CORO7: variants seen among roughly 807,000 people sequenced by gnomAD.
The protein encoded by CORO7 is coronin 7.
In CORO7, 107 loss-of-function variants were observed where a neutral mutation model predicts 126.6. That is an observed-to-expected ratio of 0.85 (90% CI 0.72 to 0.99). The LOEUF is 0.99. CORO7 is among the 50% of genes least tolerant of loss of function. The pLI is 0.00. For synonymous variants in CORO7, 603 were observed against 536.8 expected, an observed-to-expected ratio of 1.12 and a Z score of -1.70; for missense variants, 1,314 against 1,255.8, an observed-to-expected ratio of 1.05 and a Z score of -0.70.
Position 4,412,433 on chromosome 16 carries a change from G to A in CORO7, c.158-3C>T, listed in dbSNP as rs2056246820. On this transcript the variant is annotated splice_polypyrimidine_tract_variant and splice_region_variant and intron_variant, in intron 2 of 27. Coordinates refer to ENST00000251166, the MANE Select transcript of CORO7 (RefSeq NM_024535.5). ...CAGAGGCACAATGCCCAGTACACCTGTTAAACAAACACGGGGACTCTGACT... is the reference window on the plus strand; with the variant it reads ...CAGAGGCACAATGCCCAGTACACCTATTAAACAAACACGGGGACTCTGACT... The A allele has an allele frequency of 1.2e-6, 2 of 1,614,048 alleles. No homozygotes were observed. Among genetic ancestry groups the A allele is most frequent in the African/African-American group, 1.3e-5 (1 of 74,912 alleles).
intron 9 of CORO7, among the ~76,000 whole-genome samples, chr16:4,385,053 G>A (rs772790351): frequency 8.5e-5 from 13 of 152,154 alleles, no homozygotes; most frequent in Non-Finnish European, 1.3e-4. Context: ...TCAGGGCTTC[G>A]GGGAAGGGGA....
intron 9 of CORO7, among the ~76,000 whole-genome samples, chr16:4,368,359 TAA>T (rs2054413210): frequency 7.0e-6 from 1 of 143,374 alleles, no homozygotes; most frequent in African/African-American, 2.6e-5. Flanking sequence ...AAAATAAAAT[TAA>T]AAATTAGCCT....
At chr16:4,396,644 CA>C (rs1302989282) in intron 6 of CORO7, among the ~76,000 whole-genome samples, 1 of 152,124 alleles carries the variant, frequency 6.6e-6, no homozygotes, top group Non-Finnish European at 1.5e-5. Context: ...CGTCTTAGCA[CA>C]GGTCTATTTT....
rs558522061 is a variant in CORO7, at chr16:4,384,695, A to C, written c.785+3291T>G. The stretch of plus-strand genomic sequence containing the variant: ...GCTGAGGGCTCTGGCACGAGGAGGG[A>C]GGAGGCGGGCCGTGGGTCATGGCGG... On this transcript the variant is annotated intron_variant, in intron 9 of 27. Coordinates refer to ENST00000251166, the MANE Select transcript of CORO7 (RefSeq NM_024535.5). 5.3e-5 allele frequency among the ~76,000 whole-genome samples: 8 copies of C among 152,162 alleles called. No homozygotes were observed. In the South Asian group the frequency reaches 1.5e-3, roughly 28 times the overall value.
Position 4,355,042 on chromosome 16 carries a change from AGTGCAGGGGTGACAT to A in CORO7, c.*101_*115del. 8.6e-7 allele frequency: 1 copy of A among 1,166,344 alleles called. No individual in the cohort carries two copies. Among genetic ancestry groups the A allele is most frequent in the South Asian group, 2.1e-5 (1 of 47,646 alleles). 72.2% of individuals were successfully genotyped at this position (1,166,344 alleles called of 1,614,324 possible). On this transcript the variant is annotated 3_prime_UTR_variant, in exon 28 of 28. Transcript: ENST00000251166. ...GTGGAAGTGCCCACGGGAAGGCAGG[AGTGCAGGGGTGACAT>A]GTGCCGGGGCCAGAGAGGTATCTTC... is the stretch of plus-strand genomic sequence containing the variant.
At chr16:4,365,601 G>GT in intron 9 of CORO7, 56 bp from the exon 10 acceptor site, 1 of 1,549,168 alleles carries the variant, frequency 6.5e-7, no homozygotes, top group Non-Finnish European at 8.7e-7. Flanking sequence ...TGCCAGACTC[G>GT]TAACCCCATG....
chr16:4,361,372 C>T lies in CORO7; in HGVS notation c.1676G>A (p.Arg559His), dbSNP rs142371956. The T allele has an allele frequency of 3.7e-6, 6 of 1,612,022 alleles. No individual in the cohort carries two copies. Among genetic ancestry groups the T allele is most frequent in the African/African-American group, 2.7e-5 (2 of 74,888 alleles). Residue 559 changes from arginine (R) to histidine (H), a missense_variant, in exon 17 of 28, where the codon CGC (arginine) becomes CAC (histidine). Coordinates refer to ENST00000251166, the MANE Select transcript of CORO7 (RefSeq NM_024535.5). ...CCCAGCCTCCTTACCCACAGCGAGG[C>T]GATGGGGGTCAAAGGGGTCCCAGGC... Reference protein sequence around the residue: ...DLAWDPFDPHRLAVAGEDARI... With the variant: ...DLAWDPFDPHHLAVAGEDARI...
intron 6 of CORO7, among the ~76,000 whole-genome samples, chr16:4,401,044 G>C (rs555744993): frequency 6.6e-6 from 1 of 152,166 alleles, no homozygotes; most frequent in Non-Finnish European, 1.5e-5. Flanking sequence ...CCCGCTCCAT[G>C]TGCAGCCCCT....
chr16:4,409,848 C>A (rs2056137928), intron 3 of CORO7, among the ~76,000 whole-genome samples: 1 of 152,234 alleles, frequency 6.6e-6, no homozygotes, highest in East Asian at 1.9e-4. Context: ...CAGAGCCCCA[C>A]CTGGCCATTT....
At chr16:4,380,057 CAAA>C (rs779747877) in intron 9 of CORO7, among the ~76,000 whole-genome samples, 2 of 90,086 alleles carry the variant, frequency 2.2e-5, no homozygotes, top group Non-Finnish European at 2.3e-5. Flanking sequence ...GACTCCGTCT[CAAA>C]AAAAAAAAAA....
intron 22 of CORO7, 45 bp from the exon 23 acceptor site, chr16:4,359,430 C>T (rs2054087605): frequency 6.2e-7 from 1 of 1,613,478 alleles, no homozygotes; most frequent in East Asian, 2.2e-5. Context: ...CAACACTGGC[C>T]TTCCCCCCAC....
chr16:4,387,745 G>A, intron 9 of CORO7: 1 of 576,978 alleles, frequency 1.7e-6, no homozygotes, highest in Non-Finnish European at 3.1e-6. Flanking sequence ...AACCTCTGGT[G>A]ACCAAGGGCC....
intron 9 of CORO7, among the ~76,000 whole-genome samples, chr16:4,384,801 G>A (rs1205221119): frequency 6.6e-6 from 1 of 152,194 alleles, no homozygotes; most frequent in South Asian, 2.1e-4. Context: ...TTTCCTGTAG[G>A]CCTGGGTCCC....
intron 1 of CORO7, chr16:4,415,633 C>G: frequency 2.3e-6 from 2 of 856,936 alleles, no homozygotes; most frequent in Non-Finnish European, 2.8e-6. Flanking sequence ...CCCAGACTGC[C>G]CTGACTTGCT....
chr16:4,402,493 C>T (rs2055847921), intron 6 of CORO7, among the ~76,000 whole-genome samples: 1 of 152,098 alleles, frequency 6.6e-6, no homozygotes. Flanking sequence ...GTGATCCTCC[C>T]ACCTCGTCCT....
Position 4,408,243 on chromosome 16 carries a change from T to A in CORO7, c.241A>T (p.Thr81Ser), listed in dbSNP as rs768218751. The A allele has an allele frequency of 6.2e-6, 10 of 1,614,194 alleles. No homozygotes were observed. The highest frequency in any genetic ancestry group is 7.6e-6 in the Non-Finnish European group (9 of 1,180,030). The stretch of plus-strand genomic sequence containing the variant: ...TCAAAGGGCGAGAAGTCCAAGTCGG[T>A]GACTAGGTCTGTGGGAGAGGAATGG... Reference protein sequence around the residue: ...AHLGCHSDLVTDLDFSPFDDF... With the variant: ...AHLGCHSDLVSDLDFSPFDDF... The change falls in exon 4 of 28, where the codon ACC becomes TCC. Residue 81 changes from threonine (T) to serine (S), a missense_variant. Coordinates refer to ENST00000251166, the MANE Select transcript of CORO7 (RefSeq NM_024535.5).
intron 6 of CORO7, among the ~76,000 whole-genome samples, chr16:4,398,983 A>C (rs931132309): frequency 6.6e-6 from 1 of 152,028 alleles, no homozygotes; most frequent in African/African-American, 2.4e-5. Flanking sequence ...AAAAAAAAAA[A>C]CAAAACCAAC....
In CORO7 at chr16:4,405,611, C is replaced by T. The variant is rs1490582424; in HGVS notation, c.488-44G>A. The stretch of plus-strand genomic sequence containing the variant: ...AGTCAGGTCCCGGGCAGTGAGGGCA[C>T]CAGGGAAGTGGGTGGGGGCGGGCCT... On this transcript the variant is annotated intron_variant, in intron 5 of 27. Transcript: ENST00000251166. 3 of 1,599,184 alleles carry T rather than the reference C, an allele frequency of 1.9e-6. No homozygotes were observed. In the South Asian group the frequency reaches 3.3e-5, roughly 18 times the overall value.
intron 3 of CORO7, among the ~76,000 whole-genome samples, chr16:4,408,832 G>A (rs569187756): frequency 3.9e-5 from 6 of 152,260 alleles, no homozygotes; most frequent in Middle Eastern, 3.4e-3. Flanking sequence ...GTGTGGTGGC[G>A]GGCGCCTATA....
Sources: allele counts gnomAD v4.1 joint callset (sites outside exome capture counted in the v4.1 genomes callset), GRCh38; gene constraint gnomAD v4.1.1; transcripts MANE v1.5; gene names NCBI Gene and HGNC (gene_info 2026-07-23, HGNC 2026-07-21).